Variants in ARHGAP11A observed in about 807,000 individuals in gnomAD.
The protein encoded by ARHGAP11A is rho GTPase-activating protein 11A.
ARHGAP11A carries 36 observed loss-of-function variants against 60.5 expected under a neutral mutation model. The ratio of observed to expected loss-of-function variants is 0.59; its 90% CI spans 0.46 to 0.79. The LOEUF (loss-of-function observed/expected upper bound fraction) is 0.79, where lower values mean the gene tolerates loss of function less well. Ranked by LOEUF, ARHGAP11A falls within the 30% of genes least tolerant of loss-of-function variation. The pLI is 0.00. For missense variants in ARHGAP11A, 1,071 were observed against 1,199.2 expected (o/e 0.89, Z 1.58); for synonymous variants, 362 against 415.5 (o/e 0.87, Z 1.57).
rs932989876 is a variant in ARHGAP11A, at chr15:32,628,637, C to T, written c.863-91C>T. On this transcript the variant is annotated intron_variant, in intron 6 of 11. Transcript: ENST00000361627. ...AAATTTATAAGCCGATGTAAAGTTA[C>T]ATGTTGAAAGAAGACTGCAAATATT... The T allele has an allele frequency of 1.6e-5, 15 of 963,816 alleles. No homozygotes were observed. The African/African-American group carries it at 2.4e-4, about 16-fold the overall frequency. 59.7% of individuals were successfully genotyped at this position (963,816 alleles called of 1,614,324 possible). A position where few individuals can be genotyped will look rare whatever the true frequency, so the allele number is the denominator to read the frequency against.
intron 2 of ARHGAP11A, among the ~76,000 whole-genome samples, chr15:32,621,183 C>CTTTT (rs60915388): frequency 9.3e-5 from 6 of 64,252 alleles, no homozygotes; most frequent in South Asian, 6.8e-4. Flanking sequence ...ACCTTTTATT[C>CTTTT]TTTTTTTTTT....
At position 32,637,784 on chromosome 15, in the gene ARHGAP11A, C is replaced by G. The variant is rs2053760677; in HGVS notation, c.3011C>G (p.Ser1004Cys). 6.2e-7 allele frequency: 1 copy of G among 1,608,884 alleles called. No individual in the cohort carries two copies. The highest frequency in any genetic ancestry group is 1.7e-5 in the Admixed American group (1 of 58,690). Residue 1004 changes from serine to cysteine, a missense_variant, in exon 12 of 12, where the codon TCT becomes TGT. Physicochemically the swap from Ser to Cys is moderately radical, Grantham distance 112 (BLOSUM62 -1). This residue lies in a region of ARHGAP11A where 776 missense variants were observed against 760.2 expected (regional missense o/e 1.02). Transcript: ENST00000361627. Reference protein sequence around the residue: ...SERGRAWYKGSPKHPIGKTQL... With the variant: ...SERGRAWYKGCPKHPIGKTQL... ...AGAGGAAGGGCCTGGTACAAAGGTT[C>G]TCCAAAACATCCTATCGGAAAAACT...
chr15:32,617,779 C>T (rs1003149467), intron 1 of ARHGAP11A, among the ~76,000 whole-genome samples: 3 of 152,142 alleles, frequency 2.0e-5, no homozygotes, highest in Admixed American at 6.5e-5. Context: ...GCCTTTTCAC[C>T]GCTTAACAAG....
chr15:32,636,310 G>A lies in ARHGAP11A; in HGVS notation c.1537G>A (p.Val513Ile). The A allele has an allele frequency of 6.2e-7, 1 of 1,613,450 alleles. No homozygotes were observed. The highest frequency in any genetic ancestry group is 8.5e-7 in the Non-Finnish European group (1 of 1,179,836). Residue 513 changes from valine (V) to isoleucine (I), a missense_variant, in exon 12 of 12, where the codon GTT (valine) becomes ATT (isoleucine). By Grantham distance (29) the Val-to-Ile change is conservative. This residue lies in a region of ARHGAP11A where 776 missense variants were observed against 760.2 expected (regional missense o/e 1.02). Transcript: ENST00000361627. Reference protein sequence around the residue: ...EETLLTPERLVGTNYRMSWTG... With the variant: ...EETLLTPERLIGTNYRMSWTG... ...AACCTTACTAACTCCAGAGCGACTA[G>A]TTGGAACAAATTACCGGATGTCTTG...
chr15:32,631,630 AT>A (rs1415782088), intron 8 of ARHGAP11A, among the ~76,000 whole-genome samples: 1 of 152,158 alleles, frequency 6.6e-6, no homozygotes, highest in East Asian at 1.9e-4. Flanking sequence ...ATAAATTTGC[AT>A]TGTTCCATAT....
In ARHGAP11A at chr15:32,637,700, A is replaced by G. The variant is rs1215554373; in HGVS notation, c.2927A>G (p.Asn976Ser). Reference protein sequence around the residue: ...TNHDIVKPVVNNNMGISSGIN... With the variant: ...TNHDIVKPVVSNNMGISSGIN... ...CATGATATAGTAAAACCAGTTGTAAATAACAACATGGGCATTTCTTCTGGG... is the reference window on the plus strand; with the variant it reads ...CATGATATAGTAAAACCAGTTGTAAGTAACAACATGGGCATTTCTTCTGGG... The change falls in exon 12 of 12, where the codon AAT becomes AGT. Residue 976 changes from asparagine (N) to serine (S), a missense_variant. By Grantham distance (46) the Asn-to-Ser change is conservative. Coordinates refer to ENST00000361627, the MANE Select transcript of ARHGAP11A (RefSeq NM_014783.6). 3.1e-6 allele frequency: 5 copies of G among 1,614,214 alleles called. No homozygotes were observed. The highest frequency in any genetic ancestry group is 1.7e-5 in the Admixed American group (1 of 60,024).
At chr15:32,624,951 G>A in intron 4 of ARHGAP11A, 129 bp from the exon 5 acceptor site, 1 of 878,354 alleles carries the variant, frequency 1.1e-6, no homozygotes, top group South Asian at 1.8e-5. Context: ...CAATCATGTA[G>A]ATGAAGGGTA....
Position 32,637,476 on chromosome 15 carries a change from A to G in ARHGAP11A, c.2703A>G (p.Lys901=). ...TTTCATGTATCAAATCAGGTCCTAAAGAACAGAAGTCCATGTCATGTGAAG... is the reference window on the plus strand; with the variant it reads ...TTTCATGTATCAAATCAGGTCCTAAGGAACAGAAGTCCATGTCATGTGAAG... ...SSVSCIKSGP[K]EQKSMSCEES... The change falls in exon 12 of 12, where the codon AAA becomes AAG. Residue 901 remains lysine (K), a synonymous_variant. Transcript: ENST00000361627. 6.2e-7 allele frequency: 1 copy of G among 1,614,060 alleles called. No homozygotes were observed. The highest frequency in any genetic ancestry group is 8.5e-7 in the Non-Finnish European group (1 of 1,180,046).
chr15:32,620,073 T>C, intron 1 of ARHGAP11A, 35 bp from the exon 2 acceptor site: 1 of 1,545,692 alleles, frequency 6.5e-7, no homozygotes, highest in Non-Finnish European at 8.7e-7. Flanking sequence ...TTATGCCTAA[T>C]ATTTGTGTTA....
At chr15:32,631,662 G>T (rs951177535) in intron 8 of ARHGAP11A, among the ~76,000 whole-genome samples, 1 of 152,246 alleles carries the variant, frequency 6.6e-6, no homozygotes, top group South Asian at 2.1e-4. Context: ...TGCCTCCTGC[G>T]ACCATTGACA....
chr15:32,625,418 A>T (rs1318124207), intron 5 of ARHGAP11A, 69 bp from the exon 6 acceptor site: 9 of 1,554,320 alleles, frequency 5.8e-6, no homozygotes, highest in Admixed American at 2.0e-5. Context: ...GTATATTAGT[A>T]TCTAAACATT....
Position 32,634,019 on chromosome 15 carries a change from T to G in ARHGAP11A, c.1322T>G (p.Leu441Arg). ...AGATCTCTGCGTTTGAAATTCAATCTAGGGAAAAATGGCAGAGAAGTAGTA... is the reference window on the plus strand; with the variant it reads ...AGATCTCTGCGTTTGAAATTCAATCGAGGGAAAAATGGCAGAGAAGTAGTA... Reference protein sequence around the residue: ...VRRSLRLKFNLGKNGREVNGC... With the variant: ...VRRSLRLKFNRGKNGREVNGC... The change falls in exon 10 of 12, where the codon CTA (leucine) becomes CGA (arginine). Residue 441 changes from leucine (L) to arginine (R), a missense_variant. By Grantham distance (102) the Leu-to-Arg change is moderately radical. Coordinates refer to ENST00000361627, the MANE Select transcript of ARHGAP11A (RefSeq NM_014783.6). 1 of 1,605,934 alleles carries G rather than the reference T, an allele frequency of 6.2e-7. No individual in the cohort carries two copies. Among genetic ancestry groups the G allele is most frequent in the Non-Finnish European group, 8.5e-7 (1 of 1,177,316 alleles).
At chr15:32,630,837 C>T (rs1315903568) in intron 8 of ARHGAP11A, among the ~76,000 whole-genome samples, 2 of 151,804 alleles carry the variant, frequency 1.3e-5, no homozygotes, top group African/African-American at 4.8e-5. Context: ...AGGTTGGAGA[C>T]TTAAACTTTT....
chr15:32,629,568 G>T (rs1455393627), intron 7 of ARHGAP11A, 27 bp from the exon 8 acceptor site: 2 of 1,577,232 alleles, frequency 1.3e-6, no homozygotes, highest in Non-Finnish European at 1.7e-6. Flanking sequence ...GTAGAAACAA[G>T]TTGGTTTTGT....
In ARHGAP11A at chr15:32,637,551, A is replaced by G. The variant is rs751760963; in HGVS notation, c.2778A>G (p.Lys926=). The G allele has an allele frequency of 3.1e-6, 5 of 1,614,144 alleles. No individual in the cohort carries two copies. Among genetic ancestry groups the G allele is most frequent in the Non-Finnish European group, 4.2e-6 (5 of 1,180,030 alleles). ...ISKSSMELPS[K]SFLKMRKHPD... ...AGTCAAGCATGGAGTTACCCTCGAA[A>G]TCTTTCTTAAAGATGAGGAAGCACC... is the stretch of plus-strand genomic sequence containing the variant. Residue 926 remains lysine (K), a synonymous_variant, in exon 12 of 12, where the codon AAA becomes AAG. Coordinates refer to ENST00000361627, the MANE Select transcript of ARHGAP11A (RefSeq NM_014783.6).
At chr15:32,636,003 G>T in intron 11 of ARHGAP11A, 88 bp downstream of exon 11, 1 of 1,457,850 alleles carries the variant, frequency 6.9e-7, no homozygotes, top group Non-Finnish European at 9.1e-7. Context: ...TTAATTTACT[G>T]TTCTAGAGAT....
intron 6 of ARHGAP11A, among the ~76,000 whole-genome samples, chr15:32,626,352 G>GA (rs1297750359): frequency 6.6e-6 from 1 of 152,116 alleles, no homozygotes; most frequent in Non-Finnish European, 1.5e-5. Context: ...GGAAGAATCA[G>GA]AAAGACCAAA....
At chr15:32,635,503 T>C (rs1027359787) in intron 10 of ARHGAP11A, among the ~76,000 whole-genome samples, 3 of 152,196 alleles carry the variant, frequency 2.0e-5, no homozygotes, top group African/African-American at 7.2e-5. Context: ...GAACAGGCCC[T>C]AGCACAGAGT....
chr15:32,621,996 G>A (rs573539439), intron 2 of ARHGAP11A, among the ~76,000 whole-genome samples: 2 of 152,428 alleles, frequency 1.3e-5, no homozygotes, highest in Admixed American at 6.5e-5. Flanking sequence ...ACACCTGGTT[G>A]CCTTAGGACA....
Sources: gnomAD v4.1 joint callset for allele counts (sites outside exome capture counted in the v4.1 genomes callset) on GRCh38, gnomAD v4.1.1 for gene constraint, gnomAD v4.1.1 regional missense constraint, MANE v1.5 for transcripts, NCBI Gene and HGNC (gene_info 2026-07-23, HGNC 2026-07-21) for gene names.